SDK1: variants seen among roughly 807,000 people sequenced by gnomAD.
SDK1 encodes the protein sidekick cell adhesion molecule 1.
SDK1 carries 157 observed loss-of-function variants against 245.5 expected under a neutral mutation model. The observed-to-expected ratio is 0.64, with a 90% confidence interval of 0.56 to 0.73. The LOEUF (loss-of-function observed/expected upper bound fraction) is 0.73, where lower values mean the gene tolerates loss of function less well. Ranked by LOEUF, SDK1 falls within the 30% of genes least tolerant of loss-of-function variation. The pLI is 0.00. For missense variants in SDK1, 3,583 were observed against 3,002.3 expected (o/e 1.19, Z -4.52); for synonymous variants, 1,647 against 1,278.5 (o/e 1.29, Z -6.15).
At chr7:3,694,828 T>C (rs150570887) in intron 4 of SDK1, among the ~76,000 whole-genome samples, 1 of 152,148 alleles carries the variant, frequency 6.6e-6, no homozygotes, top group Non-Finnish European at 1.5e-5. Flanking sequence ...GGATTCTTAA[T>C]AGTGACATGC....
chr7:3,552,655 C>G (rs1779454899), intron 1 of SDK1, among the ~76,000 whole-genome samples: 1 of 152,190 alleles, frequency 6.6e-6, no homozygotes, highest in African/African-American at 2.4e-5. Flanking sequence ...AGAGTAAGAT[C>G]TTACCTTATT....
chr7:3,911,922 C>G (rs570604637), intron 5 of SDK1, among the ~76,000 whole-genome samples: 1 of 151,946 alleles, frequency 6.6e-6, no homozygotes, highest in Non-Finnish European at 1.5e-5. Context: ...GCTGTGGAGA[C>G]GTTTGACTTG....
chr7:3,805,598 G>T (rs1036825950), intron 4 of SDK1, among the ~76,000 whole-genome samples: 1 of 152,212 alleles, frequency 6.6e-6, no homozygotes, highest in Non-Finnish European at 1.5e-5. Context: ...CCCCAGTGGA[G>T]ACTGTAGACT....
chr7:3,320,480 T>C (rs528998006), intron 1 of SDK1, among the ~76,000 whole-genome samples: 1 of 152,292 alleles, frequency 6.6e-6, no homozygotes, highest in South Asian at 2.1e-4. Context: ...AGCCTTAATA[T>C]TGATTTCCTC....
At chr7:3,673,369 A>G (rs1228254474) in intron 4 of SDK1, among the ~76,000 whole-genome samples, 1 of 152,140 alleles carries the variant, frequency 6.6e-6, no homozygotes, top group Non-Finnish European at 1.5e-5. Context: ...AAAAGCATTC[A>G]TTTCCTGAAA....
intron 1 of SDK1, among the ~76,000 whole-genome samples, chr7:3,430,834 C>A (rs1779823428): frequency 6.6e-6 from 1 of 152,204 alleles, no homozygotes; most frequent in Non-Finnish European, 1.5e-5. Flanking sequence ...ATGGGGGCTG[C>A]CTGCAGAGCT....
chr7:3,307,640 C>T (rs756263870), intron 1 of SDK1, among the ~76,000 whole-genome samples: 2 of 152,154 alleles, frequency 1.3e-5, no homozygotes, highest in Admixed American at 1.3e-4. Flanking sequence ...CAGCCTGATA[C>T]CAATCTCCTG....
intron 5 of SDK1, among the ~76,000 whole-genome samples, chr7:3,919,727 G>C (rs1162833838): frequency 6.6e-6 from 1 of 152,156 alleles, no homozygotes; most frequent in Non-Finnish European, 1.5e-5. Flanking sequence ...CTGTTAGCTT[G>C]AAAGAACGTA....
intron 4 of SDK1, among the ~76,000 whole-genome samples, chr7:3,795,463 T>A (rs1778940126): frequency 6.6e-6 from 1 of 152,120 alleles, no homozygotes; most frequent in Admixed American, 6.6e-5. Context: ...TAAAGTGCGC[T>A]GAACTCCTTC....
At chr7:3,668,774 G>C (rs557098433) in intron 4 of SDK1, among the ~76,000 whole-genome samples, 3 of 152,242 alleles carry the variant, frequency 2.0e-5, no homozygotes, top group Non-Finnish European at 4.4e-5. Flanking sequence ...CTGAGTGATA[G>C]AGTGAAATTC....
chr7:4,155,242 G>T (rs565513679), intron 30 of SDK1, among the ~76,000 whole-genome samples: 3 of 151,190 alleles, frequency 2.0e-5, no homozygotes, highest in Admixed American at 6.6e-5. Context: ...CCCCAGATCC[G>T]CATTTTGTGT....
At chr7:3,843,283 A>G (rs950902878) in intron 5 of SDK1, among the ~76,000 whole-genome samples, 1 of 152,068 alleles carries the variant, frequency 6.6e-6, no homozygotes, top group Non-Finnish European at 1.5e-5. Context: ...CATAACGTAG[A>G]CTCACATGGC....
chr7:3,416,088 T>C (rs968868771), intron 1 of SDK1, among the ~76,000 whole-genome samples: 3 of 152,230 alleles, frequency 2.0e-5, no homozygotes, highest in African/African-American at 7.2e-5. Flanking sequence ...GTCATTGCTG[T>C]CTCCTTTAAA....
At chr7:3,737,204 G>A (rs1355871936) in intron 4 of SDK1, among the ~76,000 whole-genome samples, 1 of 152,232 alleles carries the variant, frequency 6.6e-6, no homozygotes, top group Non-Finnish European at 1.5e-5. Context: ...ACCCCCTGCT[G>A]GGCAGGGCCA....
intron 28 of SDK1, among the ~76,000 whole-genome samples, chr7:4,143,069 TTAACTCAA>T (rs1779688139): frequency 6.6e-6 from 1 of 152,180 alleles, no homozygotes; most frequent in South Asian, 2.1e-4. Flanking sequence ...CTGTAGGTAG[TTAACTCAA>T]TCAGGCATTG....
chr7:3,876,205 G>GGT (rs1265126749), intron 5 of SDK1, among the ~76,000 whole-genome samples: 2 of 152,154 alleles, frequency 1.3e-5, no homozygotes, highest in Admixed American at 1.3e-4. Context: ...AGTGAAGTAG[G>GGT]GTAGGGGCTG....
chr7:3,684,167 A>C (rs1398027842), intron 4 of SDK1, among the ~76,000 whole-genome samples: 1 of 152,220 alleles, frequency 6.6e-6, no homozygotes, highest in African/African-American at 2.4e-5. Flanking sequence ...CAGTCTCAGC[A>C]GGTCTAGCGT....
chr7:3,590,924 T>G (rs1026314747), intron 1 of SDK1, among the ~76,000 whole-genome samples: 2 of 152,038 alleles, frequency 1.3e-5, no homozygotes, highest in African/African-American at 4.8e-5. Context: ...CTGAGACTAC[T>G]GGCATGTGCC....
intron 1 of SDK1, among the ~76,000 whole-genome samples, chr7:3,482,610 C>A (rs1781553452): frequency 6.6e-6 from 1 of 152,162 alleles, no homozygotes; most frequent in Non-Finnish European, 1.5e-5. Context: ...GAGGGCCTCC[C>A]ACAGGTCTTC....
Sources: gnomAD v4.1 joint callset for allele counts (sites outside exome capture counted in the v4.1 genomes callset) on GRCh38, gnomAD v4.1.1 for gene constraint, MANE v1.5 for transcripts, NCBI Gene and HGNC (gene_info 2026-07-23, HGNC 2026-07-21) for gene names.